The following KLF12 variants were observed in gnomAD, a reference collection of about 807,000 sequenced individuals.
The protein encoded by KLF12 is Krueppel-like factor 12.
Under a neutral mutation model 37.8 loss-of-function variants are expected in KLF12, and 9 were observed. The ratio of observed to expected loss-of-function variants is 0.24; its 90% CI spans 0.14 to 0.42. KLF12 has a LOEUF of 0.42. KLF12 is among the 10% of genes least tolerant of loss of function. KLF12 has a pLI of 1.00. For missense variants in KLF12, 411 were observed against 516.0 expected (o/e 0.80, Z 1.97); for synonymous variants, 208 against 202.1 (o/e 1.03, Z -0.25).
intron 6 of KLF12, among the ~76,000 whole-genome samples, chr13:73,757,878 T>C (rs1397130444): frequency 6.6e-6 from 1 of 152,198 alleles, no homozygotes; most frequent in African/African-American, 2.4e-5. Flanking sequence ...TCTATATATA[T>C]GAAATAAAAT....
At chr13:74,079,066 T>C (rs1233188437) in intron 1 of KLF12, among the ~76,000 whole-genome samples, 1 of 152,212 alleles carries the variant, frequency 6.6e-6, no homozygotes, top group Non-Finnish European at 1.5e-5. Flanking sequence ...AGGCACTCAG[T>C]AAATGTCTAT....
intron 3 of KLF12, among the ~76,000 whole-genome samples, chr13:73,860,339 G>A (rs575873971): frequency 9.2e-5 from 14 of 152,098 alleles, no homozygotes; most frequent in Non-Finnish European, 1.9e-4. Flanking sequence ...TTCTTTTGTA[G>A]ACAAGCACCT....
chr13:74,174,189 C>T, the KLF12 span, among the ~76,000 whole-genome samples: 1 of 152,116 alleles, frequency 6.6e-6, no homozygotes, highest in African/African-American at 2.4e-5. Flanking sequence ...CTTTGTCAGG[C>T]AGAAATGACT....
intron 3 of KLF12, among the ~76,000 whole-genome samples, chr13:73,935,049 A>G (rs1314489666): frequency 6.6e-6 from 1 of 151,652 alleles, no homozygotes; most frequent in Non-Finnish European, 1.5e-5. Flanking sequence ...GCACGATCTC[A>G]ACTTATTGCA....
the KLF12 span, among the ~76,000 whole-genome samples, chr13:74,201,339 C>T: frequency 0.022 from 3,399 of 152,070 alleles, 86 homozygotes; most frequent in Middle Eastern, 0.051. Flanking sequence ...TGTAAGGTAC[C>T]GTAAAGCTCA....
intron 1 of KLF12, among the ~76,000 whole-genome samples, chr13:74,019,708 T>A (rs1892791461): frequency 1.3e-5 from 2 of 152,174 alleles, no homozygotes; most frequent in African/African-American, 2.4e-5. Flanking sequence ...TTTAAGAGAA[T>A]AAAAATGTAC....
chr13:74,072,517 T>G (rs1171188775), intron 1 of KLF12, among the ~76,000 whole-genome samples: 2 of 151,276 alleles, frequency 1.3e-5, no homozygotes, highest in African/African-American at 4.9e-5. Flanking sequence ...GCAGGAGGAT[T>G]GCTTGAGGCC....
chr13:73,846,401 TTA>T (rs747519120), intron 3 of KLF12, 28 bp from the exon 4 acceptor site: 1 of 1,556,404 alleles, frequency 6.4e-7, no homozygotes, highest in South Asian at 1.2e-5. Context: ...GAACATATAT[TTA>T]TCTTTGTTTA....
At chr13:73,776,099 A>G (rs1291136225) in intron 5 of KLF12, among the ~76,000 whole-genome samples, 4 of 152,232 alleles carry the variant, frequency 2.6e-5, no homozygotes, top group Non-Finnish European at 5.9e-5. Context: ...CAATCTATAA[A>G]TTAAATGTGA....
chr13:74,123,372 C>A (rs765006125), intron 1 of KLF12, among the ~76,000 whole-genome samples: 14 of 152,200 alleles, frequency 9.2e-5, no homozygotes, highest in Non-Finnish European at 1.6e-4. Context: ...ATCCAGGGTA[C>A]CTTCTAGGCA....
intron 2 of KLF12, among the ~76,000 whole-genome samples, chr13:73,975,088 A>C (rs984025118): frequency 1.3e-5 from 2 of 152,202 alleles, no homozygotes; most frequent in African/African-American, 4.8e-5. Flanking sequence ...TCCATTAGTA[A>C]AAGATGTATG....
At chr13:73,929,268 G>C (rs181459048) in intron 3 of KLF12, among the ~76,000 whole-genome samples, 1 of 152,168 alleles carries the variant, frequency 6.6e-6, no homozygotes, top group African/African-American at 2.4e-5. Flanking sequence ...AGAGGAGGGT[G>C]CTTCAGGTTG....
intron 1 of KLF12, among the ~76,000 whole-genome samples, chr13:74,070,935 T>C (rs1874197663): frequency 6.6e-6 from 1 of 152,236 alleles, no homozygotes; most frequent in African/African-American, 2.4e-5. Context: ...ACAGTCACTA[T>C]GAACAACTTA....
intron 1 of KLF12, among the ~76,000 whole-genome samples, chr13:74,038,334 T>C (rs760730851): frequency 5.3e-5 from 8 of 152,180 alleles, no homozygotes; most frequent in Non-Finnish European, 8.8e-5. Context: ...ATTCAGTCAA[T>C]CATGTATTCA....
intron 2 of KLF12, among the ~76,000 whole-genome samples, chr13:73,970,446 T>C (rs1335585346): frequency 2.0e-5 from 3 of 151,984 alleles, no homozygotes; most frequent in East Asian, 1.9e-4. Context: ...AGATCCGACA[T>C]AGCTGAGAAA....
At chr13:74,139,699 A>C in the KLF12 span, among the ~76,000 whole-genome samples, 1 of 152,164 alleles carries the variant, frequency 6.6e-6, no homozygotes, top group South Asian at 2.1e-4. Context: ...TAGATTAAAA[A>C]CATTCAATTT....
In KLF12 at chr13:73,842,386, G is replaced by A. The variant is rs143739400; in HGVS notation, c.670+3441C>T. On this transcript the variant is annotated intron_variant, in intron 4 of 7. Transcript: ENST00000377669. ...AGTTATTTGTTTCTATGATTATTTC[G>A]TGGAAAGTCAGTAGCTCTCATTAGA... Among the ~76,000 whole-genome samples, 146 of 152,210 alleles carry A rather than the reference G, an allele frequency of 9.6e-4. 1 individual carries two copies. The highest frequency in any genetic ancestry group is 3.4e-3 in the Middle Eastern group (1 of 294).
At chr13:74,157,574 G>T in the KLF12 span, among the ~76,000 whole-genome samples, 4 of 152,160 alleles carry the variant, frequency 2.6e-5, no homozygotes, top group African/African-American at 4.8e-5. Flanking sequence ...GAAAGAAGGG[G>T]AGCTCAAAGT....
At chr13:73,992,339 AATTT>A (rs1027880871) in intron 2 of KLF12, among the ~76,000 whole-genome samples, 47 of 152,324 alleles carry the variant, frequency 3.1e-4, no homozygotes, top group Admixed American at 2.9e-3. Context: ...ATCTTTTTAG[AATTT>A]ATTTGTCGTT....
Sources: allele counts gnomAD v4.1 joint callset (sites outside exome capture counted in the v4.1 genomes callset), GRCh38; gene constraint gnomAD v4.1.1; transcripts MANE v1.5; gene names NCBI Gene and HGNC (gene_info 2026-07-23, HGNC 2026-07-21).